NELL1: variants seen among roughly 807,000 people sequenced by gnomAD.
The protein encoded by NELL1 is neural EGFL like 1.
NELL1 carries 76 observed loss-of-function variants against 107.4 expected under a neutral mutation model. That is an observed-to-expected ratio of 0.71 (90% CI 0.59 to 0.86). NELL1 has a LOEUF of 0.86. NELL1 is among the 40% of genes least tolerant of loss of function. NELL1 has a pLI of 0.00. For synonymous variants in NELL1, 353 were observed against 341.2 expected (o/e 1.03, Z -0.38); for missense variants, 1,024 against 1,005.5 (o/e 1.02, Z -0.25).
intron 12 of NELL1, among the ~76,000 whole-genome samples, chr11:21,109,858 T>C (rs922828776): frequency 6.6e-6 from 1 of 152,160 alleles, no homozygotes; most frequent in Non-Finnish European, 1.5e-5. Flanking sequence ...TCAGATTTGC[T>C]TTTGATACAC....
chr11:21,020,673 C>T (rs1360473076), intron 12 of NELL1, among the ~76,000 whole-genome samples: 1 of 151,906 alleles, frequency 6.6e-6, no homozygotes, highest in Admixed American at 6.6e-5. Context: ...TTGTATTCCT[C>T]TCCCTCATCT....
chr11:20,999,101 G>A (rs1255242852), intron 12 of NELL1, among the ~76,000 whole-genome samples: 1 of 152,134 alleles, frequency 6.6e-6, no homozygotes, highest in African/African-American at 2.4e-5. Context: ...TACATTATTT[G>A]CCACATCCCC....
chr11:21,050,384 A>C (rs565256571), intron 12 of NELL1, among the ~76,000 whole-genome samples: 22 of 152,266 alleles, frequency 1.4e-4, no homozygotes, highest in African/African-American at 5.3e-4. Context: ...TAAATTATAT[A>C]AATGTAATTT....
In NELL1 at chr11:21,128,063, A is replaced by G. The variant is rs144839006; in HGVS notation, c.1426+14349A>G. Among the ~76,000 whole-genome samples the G allele has an allele frequency of 2.6e-4, 40 of 152,284 alleles. No individual in the cohort carries two copies. In the East Asian group the frequency reaches 6.4e-3, roughly 24 times the overall value. Reference sequence around the variant, plus strand: ...ACTCAACCAGCCCAACACAGGGACTATGCATGCTTACGGACTCCTGGAGGG... The same window carrying G: ...ACTCAACCAGCCCAACACAGGGACTGTGCATGCTTACGGACTCCTGGAGGG... On this transcript the variant is annotated intron_variant, in intron 13 of 19. Coordinates refer to ENST00000357134, the MANE Select transcript of NELL1 (RefSeq NM_006157.5).
At position 21,176,572 on chromosome 11, in the gene NELL1, T is replaced by C. The variant is rs1056488176; in HGVS notation, c.1427-52760T>C. 1.3e-5 allele frequency among the ~76,000 whole-genome samples: 2 copies of C among 151,792 alleles called. 1 individual carries two copies. The highest frequency in any genetic ancestry group is 4.9e-5 in the African/African-American group (2 of 41,122). On this transcript the variant is annotated intron_variant, in intron 13 of 19. Transcript: ENST00000357134. The stretch of plus-strand genomic sequence containing the variant: ...TTGCTATTGAATAGTCACTATAGCA[T>C]TTTTAGGCCTTAAAATTTGATTCCA...
chr11:21,214,632 T>C (rs2133864538), intron 13 of NELL1, among the ~76,000 whole-genome samples: 1 of 152,244 alleles, frequency 6.6e-6, no homozygotes, highest in East Asian at 1.9e-4. Context: ...CATTTGGTAG[T>C]TTTCTTGGAA....
At chr11:21,276,788 G>C (rs1848874123) in intron 14 of NELL1, among the ~76,000 whole-genome samples, 1 of 152,188 alleles carries the variant, frequency 6.6e-6, no homozygotes, top group Non-Finnish European at 1.5e-5. Context: ...ACAAAAACAA[G>C]CAATGGGGAA....
intron 12 of NELL1, among the ~76,000 whole-genome samples, chr11:21,098,589 C>A (rs1854713748): frequency 6.6e-6 from 1 of 152,150 alleles, no homozygotes; most frequent in Non-Finnish European, 1.5e-5. Flanking sequence ...TTGGAAAGAC[C>A]AGTGGAAATT....
chr11:20,754,588 AT>A (rs1349433394), intron 2 of NELL1, among the ~76,000 whole-genome samples: 1 of 152,192 alleles, frequency 6.6e-6, no homozygotes, highest in East Asian at 1.9e-4. Flanking sequence ...CCAACTTTTT[AT>A]TTTTGCCAAG....
intron 14 of NELL1, among the ~76,000 whole-genome samples, chr11:21,301,711 T>C (rs951305535): frequency 1.3e-5 from 2 of 152,112 alleles, no homozygotes; most frequent in African/African-American, 4.8e-5. Context: ...TTCACTCTGA[T>C]GGTAGTTTCT....
chr11:21,283,117 C>G (rs1415137650), intron 14 of NELL1, among the ~76,000 whole-genome samples: 1 of 152,074 alleles, frequency 6.6e-6, no homozygotes, highest in African/African-American at 2.4e-5. Flanking sequence ...ACTAGCACAA[C>G]AGAGTGACTG....
intron 2 of NELL1, among the ~76,000 whole-genome samples, chr11:20,682,832 G>A (rs1432546874): frequency 2.0e-5 from 3 of 151,906 alleles, no homozygotes; most frequent in Non-Finnish European, 4.4e-5. Context: ...TATATAAATA[G>A]AATCATACAG....
intron 3 of NELL1, 21 bp from the exon 4 acceptor site, chr11:20,847,562 T>C (rs1848721967): frequency 1.2e-6 from 2 of 1,605,640 alleles, no homozygotes; most frequent in Middle Eastern, 1.7e-4. Context: ...ATAAAACAAA[T>C]GTTTGTTCCT....
intron 12 of NELL1, among the ~76,000 whole-genome samples, chr11:21,083,690 TC>T (rs1854321260): frequency 2.0e-5 from 3 of 152,166 alleles, no homozygotes; most frequent in Admixed American, 2.0e-4. Flanking sequence ...TATGTATATG[TC>T]CCTGTCAGCT....
At chr11:20,945,737 G>A (rs770236996) in intron 10 of NELL1, among the ~76,000 whole-genome samples, 94 of 152,158 alleles carry the variant, frequency 6.2e-4, no homozygotes, top group Non-Finnish European at 7.5e-4. Context: ...TAGAAAGTAA[G>A]GCACATCAGG....
chr11:20,811,607 A>G (rs530300223), intron 3 of NELL1, among the ~76,000 whole-genome samples: 2 of 151,900 alleles, frequency 1.3e-5, no homozygotes, highest in South Asian at 2.1e-4. Flanking sequence ...GTCCTTTTCA[A>G]TTTCTGTCAT....
At chr11:20,973,100 A>C (rs12276931) in intron 12 of NELL1, among the ~76,000 whole-genome samples, 1,776 of 111,776 alleles carry the variant, frequency 0.016, 23 homozygotes, top group Non-Finnish European at 0.016. Context: ...GATCTTCATT[A>C]CTTTTTTTTT....
intron 16 of NELL1, among the ~76,000 whole-genome samples, chr11:21,543,453 CCAGACACCACCT>C (rs1172328004): frequency 6.6e-6 from 1 of 151,864 alleles, no homozygotes; most frequent in Non-Finnish European, 1.5e-5. Flanking sequence ...AGACCAAGAC[CCAGACACCACCT>C]CAGTATGGAA....
intron 13 of NELL1, among the ~76,000 whole-genome samples, chr11:21,199,203 A>T (rs1382646960): frequency 2.0e-5 from 3 of 152,236 alleles, no homozygotes; most frequent in African/African-American, 7.2e-5. Context: ...TATGGAAGGA[A>T]TCAATCATGG....
Sources: allele counts gnomAD v4.1 joint callset (sites outside exome capture counted in the v4.1 genomes callset), GRCh38; gene constraint gnomAD v4.1.1; transcripts MANE v1.5; gene names NCBI Gene and HGNC (gene_info 2026-07-23, HGNC 2026-07-21).